Variants in RAD51B observed in about 807,000 individuals in gnomAD.
The protein encoded by RAD51B is DNA repair protein RAD51 homolog 2.
Under a neutral mutation model 42.2 loss-of-function variants are expected in RAD51B, and 38 were observed. The observed-to-expected ratio is 0.90, with a 90% CI of 0.70 to 1.18. The LOEUF is 1.18. Among genes scored for constraint, RAD51B ranks in the 50% most tolerant of loss-of-function variants. The probability of loss-of-function intolerance (pLI) is 0.00; values close to 1 mark genes in which losing one functional copy is unlikely to be tolerated. For missense variants in RAD51B, 373 were observed against 400.7 expected (o/e 0.93, Z 0.59); for synonymous variants, 154 against 145.2 (o/e 1.06, Z -0.43).
rs376371622 is a variant in RAD51B at position 68,032,319 on chromosome 14, A to ACT, written c.756+145128_756+145129dup. 7.3e-5 allele frequency among the ~76,000 whole-genome samples: 11 copies of ACT among 149,768 alleles called. No homozygotes were observed. In the East Asian group the frequency reaches 1.2e-3, roughly 16 times the overall value. On this transcript the variant is annotated intron_variant, in intron 7 of 10. Transcript: ENST00000471583. ...TTGTTCTACTACTTCAGTATTTAGC[A>ACT]CTCTCTCTCTCTCTTCACCATCACA...
intron 7 of RAD51B, among the ~76,000 whole-genome samples, chr14:68,207,438 C>T (rs984637616): frequency 6.6e-6 from 1 of 152,012 alleles, no homozygotes; most frequent in African/African-American, 2.4e-5. Context: ...GATAGAAAAT[C>T]GAAATTCACA....
intron 4 of RAD51B, among the ~76,000 whole-genome samples, chr14:67,851,146 A>G (rs2041792696): frequency 6.6e-6 from 1 of 151,968 alleles, no homozygotes; most frequent in South Asian, 2.1e-4. Context: ...CGTCGGTTCA[A>G]CCTCAGGCAA....
intron 7 of RAD51B, among the ~76,000 whole-genome samples, chr14:68,020,805 G>T (rs2075851796): frequency 6.6e-6 from 1 of 152,134 alleles, no homozygotes; most frequent in Admixed American, 6.5e-5. Context: ...ACAAAAAGGA[G>T]ATCAAACTCA....
intron 7 of RAD51B, among the ~76,000 whole-genome samples, chr14:68,267,439 A>G (rs939773190): frequency 1.2e-4 from 18 of 152,214 alleles, no homozygotes; most frequent in Non-Finnish European, 1.0e-4. Context: ...CAAAGAGAAC[A>G]TGTTTACCAC....
chr14:67,958,020 C>T (rs1217179700), intron 7 of RAD51B, among the ~76,000 whole-genome samples: 5 of 152,162 alleles, frequency 3.3e-5, no homozygotes, highest in Admixed American at 6.5e-5. Flanking sequence ...ATACATTGCA[C>T]ATAATAAATC....
intron 9 of RAD51B, among the ~76,000 whole-genome samples, chr14:68,413,655 C>T (rs1320707300): frequency 6.6e-6 from 1 of 152,128 alleles, no homozygotes; most frequent in Admixed American, 6.5e-5. Context: ...TGTCTAGTGA[C>T]CTTATCTTGC....
chr14:67,819,856 A>G lies in RAD51B; in HGVS notation c.-3+3A>G, dbSNP rs1036288254. The G allele has an allele frequency of 6.6e-6, 1 of 152,212 alleles. No homozygotes were observed. The highest frequency in any genetic ancestry group is 2.4e-5 in the African/African-American group (1 of 41,406). 9.4% of individuals were successfully genotyped at this position (152,212 alleles called of 1,614,324 possible). A position where few individuals can be genotyped will look rare whatever the true frequency, so the allele number is the denominator to read the frequency against. ...GAAAGTTGGATGCTGCAGACCCGGT[A>G]CTGGAAAGTTTCATGTGGGGTGCCG... On this transcript the variant is annotated splice_donor_region_variant and intron_variant, in intron 1 of 10. Transcript: ENST00000471583.
At chr14:68,246,269 C>G (rs1171493633) in intron 7 of RAD51B, among the ~76,000 whole-genome samples, 2 of 151,644 alleles carry the variant, frequency 1.3e-5, no homozygotes, top group African/African-American at 4.8e-5. Flanking sequence ...TTAGATCTGT[C>G]TCTGTGGCCT....
intron 8 of RAD51B, among the ~76,000 whole-genome samples, chr14:68,341,264 A>G (rs2082566124): frequency 1.3e-5 from 2 of 152,214 alleles, no homozygotes; most frequent in South Asian, 4.1e-4. Flanking sequence ...TATAGGAAAA[A>G]TTAGTTGATC....
In RAD51B at chr14:68,172,851, C is replaced by G. The variant is rs528986911; in HGVS notation, c.757-119033C>G. On this transcript the variant is annotated intron_variant, in intron 7 of 10. Coordinates refer to ENST00000471583, the MANE Select transcript of RAD51B (RefSeq NM_133510.4). ...TGATTAACTAGTATTGGCCTCCCTT[C>G]CCAGTAGTTTGCCCTTCCTGTATTG... Among the ~76,000 whole-genome samples the G allele has an allele frequency of 6.6e-5, 10 of 152,290 alleles. No individual in the cohort carries two copies. In the East Asian group the frequency reaches 1.7e-3, roughly 26 times the overall value.
At chr14:67,847,784 ATC>A (rs2139932668) in intron 4 of RAD51B, among the ~76,000 whole-genome samples, 1 of 152,004 alleles carries the variant, frequency 6.6e-6, no homozygotes, top group Admixed American at 6.6e-5. Flanking sequence ...TTCTATAGAT[ATC>A]TGTTAGGTTT....
At chr14:67,922,401 T>C (rs1333594123) in intron 7 of RAD51B, among the ~76,000 whole-genome samples, 1 of 152,180 alleles carries the variant, frequency 6.6e-6, no homozygotes, top group African/African-American at 2.4e-5. Context: ...AGATTATGAA[T>C]AGGTAAGTTT....
chr14:68,114,371 T>C (rs1201957488), intron 7 of RAD51B, among the ~76,000 whole-genome samples: 2 of 152,146 alleles, frequency 1.3e-5, no homozygotes, highest in Admixed American at 6.6e-5. Context: ...AAATCATTTG[T>C]TTTATACTGA....
chr14:68,558,740 G>A (rs1177044661), intron 10 of RAD51B, among the ~76,000 whole-genome samples: 2 of 152,164 alleles, frequency 1.3e-5, no homozygotes, highest in African/African-American at 2.4e-5. Flanking sequence ...CCCTACTCCA[G>A]AATAATCTCA....
At chr14:68,223,859 T>C (rs919643819) in intron 7 of RAD51B, among the ~76,000 whole-genome samples, 1 of 152,244 alleles carries the variant, frequency 6.6e-6, no homozygotes, top group African/African-American at 2.4e-5. Flanking sequence ...TTATGGTTTA[T>C]GTTTCATGCT....
chr14:68,456,646 A>G lies in RAD51B; in HGVS notation c.958-11526A>G, dbSNP rs139908741. Among the ~76,000 whole-genome samples the G allele has an allele frequency of 1.4e-3, 211 of 152,298 alleles. 1 individual carries two copies. The highest frequency in any genetic ancestry group is 2.6e-3 in the Non-Finnish European group (175 of 68,022). On this transcript the variant is annotated intron_variant, in intron 9 of 10. Coordinates refer to ENST00000471583, the MANE Select transcript of RAD51B (RefSeq NM_133510.4). ...TCAATGATAATAGCTGGAGGCTTCA[A>G]TACCCCACTTTCAATAATGGATAGG...
At chr14:68,041,214 A>C (rs115180192) in intron 7 of RAD51B, among the ~76,000 whole-genome samples, 2 of 152,194 alleles carry the variant, frequency 1.3e-5, no homozygotes, top group African/African-American at 4.8e-5. Flanking sequence ...CTCCTGCCAC[A>C]GTTGTAAGTT....
At chr14:67,831,248 T>C (rs2041034921) in intron 3 of RAD51B, among the ~76,000 whole-genome samples, 1 of 152,180 alleles carries the variant, frequency 6.6e-6, no homozygotes, top group South Asian at 2.1e-4. Flanking sequence ...TATATGGACC[T>C]GGACTTTGAA....
chr14:68,169,914 A>G (rs192781602), intron 7 of RAD51B, among the ~76,000 whole-genome samples: 44 of 152,308 alleles, frequency 2.9e-4, no homozygotes, highest in Admixed American at 2.2e-3. Flanking sequence ...AGTCTTGTTT[A>G]TATGTTTTGT....
Sources: gnomAD v4.1 joint callset for allele counts (sites outside exome capture counted in the v4.1 genomes callset) on GRCh38, gnomAD v4.1.1 for gene constraint, MANE v1.5 for transcripts, NCBI Gene and HGNC (gene_info 2026-07-23, HGNC 2026-07-21) for gene names.